The following MITF variants were observed in gnomAD, a reference collection of about 807,000 sequenced individuals.
MITF encodes the protein melanocyte inducing transcription factor.
Under a neutral mutation model 60.5 loss-of-function variants are expected in MITF, and 17 were observed. That is an observed-to-expected ratio of 0.28 (90% confidence interval 0.19 to 0.42). The LOEUF (loss-of-function observed/expected upper bound fraction) is 0.42. Ranked by LOEUF, MITF falls within the 10% of genes least tolerant of loss-of-function variation. The pLI is 1.00. For synonymous variants in MITF, 260 were observed against 248.5 expected (o/e 1.05, Z -0.43); for missense variants, 622 against 683.5 (o/e 0.91, Z 1.00).
At chr3:69,854,997 G>A (rs1445191909) in intron 1 of MITF, among the ~76,000 whole-genome samples, 1 of 152,146 alleles carries the variant, frequency 6.6e-6, no homozygotes, top group East Asian at 1.9e-4. Context: ...GTTGGTGACT[G>A]TGAACAGTGG....
intron 1 of MITF, among the ~76,000 whole-genome samples, chr3:69,782,178 T>G (rs2062576431): frequency 6.6e-6 from 1 of 152,240 alleles, no homozygotes; most frequent in Non-Finnish European, 1.5e-5. Context: ...AATCTCAGTC[T>G]GCTATAATAA....
At chr3:69,770,002 A>G (rs2062368246) in intron 1 of MITF, among the ~76,000 whole-genome samples, 1 of 152,224 alleles carries the variant, frequency 6.6e-6, no homozygotes, top group South Asian at 2.1e-4. Flanking sequence ...TAGCAATGCT[A>G]GTTTGGTAGT....
At chr3:69,756,883 A>G (rs1704171307) in intron 1 of MITF, among the ~76,000 whole-genome samples, 1 of 152,226 alleles carries the variant, frequency 6.6e-6, no homozygotes. Flanking sequence ...TCTAATGACC[A>G]GTGATGATGA....
At chr3:69,930,461 G>A (rs1230823222) in intron 2 of MITF, among the ~76,000 whole-genome samples, 2 of 152,210 alleles carry the variant, frequency 1.3e-5, no homozygotes, top group Non-Finnish European at 1.5e-5. Context: ...CCTGAGGGCT[G>A]TATGCTTGGC....
chr3:69,937,646 G>C (rs2065873153), intron 2 of MITF, among the ~76,000 whole-genome samples, 176 bp from the exon 3 acceptor site: 1 of 152,148 alleles, frequency 6.6e-6, no homozygotes, highest in African/African-American at 2.4e-5. Context: ...CTACTAGTTA[G>C]ACTTTAAACT....
chr3:69,928,228 G>C (rs573923222), intron 2 of MITF, among the ~76,000 whole-genome samples: 3 of 152,292 alleles, frequency 2.0e-5, no homozygotes, highest in African/African-American at 7.2e-5. Context: ...TTCTTGAAAA[G>C]AGCCATTGCT....
chr3:69,902,936 T>C (rs2065024675), intron 2 of MITF, among the ~76,000 whole-genome samples: 1 of 152,180 alleles, frequency 6.6e-6, no homozygotes. Context: ...TTTTGTTTTA[T>C]AAAAATATAC....
At chr3:69,771,249 G>GT (rs5849920) in intron 1 of MITF, among the ~76,000 whole-genome samples, 77,558 of 146,952 alleles carry the variant, frequency 0.53, 21,421 homozygotes, top group Non-Finnish European at 0.64. Context: ...TTAAACATGG[G>GT]TTTTTTTTTT....
At chr3:69,928,957 G>A (rs1337868441) in intron 2 of MITF, among the ~76,000 whole-genome samples, 2 of 152,174 alleles carry the variant, frequency 1.3e-5, no homozygotes, top group Admixed American at 6.5e-5. Context: ...GCAATCTTTG[G>A]GCAGCCCCTG....
At chr3:69,844,318 A>C (rs2063692643) in intron 1 of MITF, among the ~76,000 whole-genome samples, 1 of 152,218 alleles carries the variant, frequency 6.6e-6, no homozygotes. Context: ...ATAATGCCAG[A>C]CATCTACAAC....
chr3:69,747,329 G>A (rs1259153543), intron 1 of MITF, among the ~76,000 whole-genome samples: 1 of 152,238 alleles, frequency 6.6e-6, no homozygotes, highest in African/African-American at 2.4e-5. Context: ...TTATTCGGTT[G>A]TATGATCAGG....
At chr3:69,783,990 CTCTT>C (rs1228621779) in intron 1 of MITF, among the ~76,000 whole-genome samples, 2 of 152,202 alleles carry the variant, frequency 1.3e-5, no homozygotes, top group Non-Finnish European at 2.9e-5. Flanking sequence ...TTTCCTGTCT[CTCTT>C]TCTTCTCCCC....
At chr3:69,856,936 T>C (rs2063928207) in intron 1 of MITF, among the ~76,000 whole-genome samples, 1 of 152,176 alleles carries the variant, frequency 6.6e-6, no homozygotes, top group African/African-American at 2.4e-5. Flanking sequence ...TTTTTGTGTG[T>C]GTTTTTTGTT....
At chr3:69,874,848 A>C (rs938072161) in intron 1 of MITF, among the ~76,000 whole-genome samples, 7 of 152,208 alleles carry the variant, frequency 4.6e-5, no homozygotes, top group Non-Finnish European at 8.8e-5. Context: ...GCTGACAAAG[A>C]TAGAATAAAG....
intron 3 of MITF, chr3:69,938,532 A>G (rs1172217447): frequency 1.4e-6 from 2 of 1,441,790 alleles, no homozygotes; most frequent in East Asian, 2.5e-5. Context: ...ATGGATTTGA[A>G]TCATATAGCA....
At chr3:69,939,283 A>ATT in intron 4 of MITF, 102 bp downstream of exon 4, 7 of 1,017,542 alleles carry the variant, frequency 6.9e-6, no homozygotes, top group Non-Finnish European at 1.0e-5. Flanking sequence ...TTTTTCCCCC[A>ATT]TTGTTTTTTT....
At chr3:69,888,197 T>A (rs1201505308) in intron 2 of MITF, among the ~76,000 whole-genome samples, 1 of 152,060 alleles carries the variant, frequency 6.6e-6, no homozygotes, top group Non-Finnish European at 1.5e-5. Flanking sequence ...GGAAATTTTG[T>A]TGAGCCTTAA....
At chr3:69,887,708 A>C (rs1218616099) in intron 2 of MITF, among the ~76,000 whole-genome samples, 1 of 152,102 alleles carries the variant, frequency 6.6e-6, no homozygotes, top group Non-Finnish European at 1.5e-5. Context: ...ATGTCCTAGA[A>C]AAGGGTATAG....
chr3:69,791,732 T>G (rs560944387), intron 1 of MITF, among the ~76,000 whole-genome samples: 2 of 152,348 alleles, frequency 1.3e-5, no homozygotes, highest in South Asian at 4.1e-4. Context: ...AATACTGGAA[T>G]GCAGCAGTTG....
Sources: allele counts gnomAD v4.1 joint callset (sites outside exome capture counted in the v4.1 genomes callset), GRCh38; gene constraint gnomAD v4.1.1; transcripts MANE v1.5; gene names NCBI Gene and HGNC (gene_info 2026-07-23, HGNC 2026-07-21).